Variants in EBF1 observed in about 807,000 individuals in gnomAD.
The protein encoded by EBF1 is EBF transcription factor 1, also known as transcription factor COE1.
EBF1 carries 10 observed loss-of-function variants against 68.4 expected under a neutral mutation model. The observed-to-expected ratio is 0.15, with a 90% CI of 0.09 to 0.25. The LOEUF (loss-of-function observed/expected upper bound fraction) is 0.25, where lower values mean the gene tolerates loss of function less well. Among genes scored for constraint, EBF1 ranks in the 10% least tolerant of loss-of-function variants. The pLI, the probability that EBF1 is intolerant of heterozygous loss-of-function variation, is 1.00. For synonymous variants in EBF1, 298 were observed against 299.8 expected, an observed-to-expected ratio of 0.99 and a Z score of 0.06; for missense variants, 509 against 794.4, an observed-to-expected ratio of 0.64 and a Z score of 4.32.
chr5:158,750,980 C>T (rs1169233421), intron 10 of EBF1, among the ~76,000 whole-genome samples: 1 of 151,862 alleles, frequency 6.6e-6, no homozygotes, highest in Non-Finnish European at 1.5e-5. Context: ...ATGATGCAGC[C>T]TATTAACATG....
At chr5:158,825,567 C>T (rs1176614249) in intron 7 of EBF1, among the ~76,000 whole-genome samples, 1 of 150,940 alleles carries the variant, frequency 6.6e-6, no homozygotes, top group African/African-American at 2.4e-5. Flanking sequence ...TTAAAATATT[C>T]AGTATGTTTC....
intron 15 of EBF1, among the ~76,000 whole-genome samples, chr5:158,703,370 A>G (rs1008251366): frequency 5.3e-5 from 8 of 152,204 alleles, no homozygotes; most frequent in Non-Finnish European, 8.8e-5. Flanking sequence ...TTTTCATATG[A>G]CATTAAGTGT....
At chr5:158,775,927 C>T (rs1392990579) in intron 10 of EBF1, among the ~76,000 whole-genome samples, 2 of 152,052 alleles carry the variant, frequency 1.3e-5, no homozygotes, top group African/African-American at 2.4e-5. Flanking sequence ...TCAAAACTTA[C>T]GCTGAACCAA....
intron 6 of EBF1, among the ~76,000 whole-genome samples, chr5:158,994,642 T>A (rs1236162363): frequency 6.6e-6 from 1 of 152,226 alleles, no homozygotes; most frequent in Non-Finnish European, 1.5e-5. Flanking sequence ...AGAAGTCTCA[T>A]AACGAGAGTG....
intron 6 of EBF1, among the ~76,000 whole-genome samples, chr5:159,060,569 T>C (rs1348998357): frequency 1.3e-5 from 2 of 152,218 alleles, no homozygotes; most frequent in African/African-American, 4.8e-5. Context: ...GTGTCTTTTA[T>C]CCTTTTTTTT....
At chr5:158,872,671 T>C (rs1797087379) in intron 6 of EBF1, among the ~76,000 whole-genome samples, 1 of 152,228 alleles carries the variant, frequency 6.6e-6, no homozygotes. Context: ...CACCACCCAG[T>C]GTACAAACAT....
At chr5:159,013,342 CAA>C (rs111814937) in intron 6 of EBF1, among the ~76,000 whole-genome samples, 1 of 152,136 alleles carries the variant, frequency 6.6e-6, no homozygotes, top group African/African-American at 2.4e-5. Context: ...AGGCATGAAT[CAA>C]ATAGTCTCCT....
chr5:159,034,223 T>C (rs1358954285), intron 6 of EBF1, among the ~76,000 whole-genome samples: 1 of 152,176 alleles, frequency 6.6e-6, no homozygotes, highest in African/African-American at 2.4e-5. Context: ...TTAATCTTGA[T>C]TGCAAAATCA....
chr5:159,010,296 C>T (rs1207338584), intron 6 of EBF1, among the ~76,000 whole-genome samples: 1 of 152,178 alleles, frequency 6.6e-6, no homozygotes, highest in East Asian at 1.9e-4. Flanking sequence ...ATAACCTTAC[C>T]TACAGAGGTT....
chr5:158,792,665 A>G (rs946766419), intron 9 of EBF1, among the ~76,000 whole-genome samples: 1 of 152,326 alleles, frequency 6.6e-6, no homozygotes, highest in African/African-American at 2.4e-5. Context: ...GATCTTAGAC[A>G]TGGCACAAAC....
At chr5:158,884,591 AG>A (rs548172150) in intron 6 of EBF1, among the ~76,000 whole-genome samples, 92 of 152,284 alleles carry the variant, frequency 6.0e-4, no homozygotes, top group African/African-American at 2.0e-3. Context: ...GAGTGCTTTT[AG>A]GTGGAACACA....
intron 7 of EBF1, among the ~76,000 whole-genome samples, chr5:158,836,269 A>T (rs1203364259): frequency 6.6e-6 from 1 of 152,282 alleles, no homozygotes; most frequent in Middle Eastern, 3.4e-3. Flanking sequence ...CTCAGTGCAT[A>T]AATAGTGGTT....
At chr5:158,870,087 C>T (rs1270010788) in intron 6 of EBF1, among the ~76,000 whole-genome samples, 1 of 152,128 alleles carries the variant, frequency 6.6e-6, no homozygotes, top group African/African-American at 2.4e-5. Flanking sequence ...TTCCAAAGCA[C>T]ATTGGCAAGG....
chr5:158,759,382 G>T lies in EBF1; in HGVS notation c.1036+18031C>A, dbSNP rs558228230. On this transcript the variant is annotated intron_variant, in intron 10 of 15. Transcript: ENST00000313708. Reference sequence around the variant, plus strand: ...ATATTACAGAAACAACAGTTTCAAGGATCTGCTACAATGACATGAATCAAT... The same window carrying T: ...ATATTACAGAAACAACAGTTTCAAGTATCTGCTACAATGACATGAATCAAT... 1.0e-3 allele frequency among the ~76,000 whole-genome samples: 156 copies of T among 152,198 alleles called. No homozygotes were observed. In the Middle Eastern group the frequency reaches 0.02, roughly 20 times the overall value.
At chr5:158,762,455 C>A (rs547558242) in intron 10 of EBF1, among the ~76,000 whole-genome samples, 62 of 152,310 alleles carry the variant, frequency 4.1e-4, no homozygotes, top group South Asian at 8.3e-4. Flanking sequence ...GAAACAAAAT[C>A]TTTTCTTTGA....
chr5:158,712,457 G>A (rs1581227632), intron 13 of EBF1, 124 bp from the exon 14 acceptor site: 1 of 1,066,586 alleles, frequency 9.4e-7, no homozygotes, highest in Non-Finnish European at 1.4e-6. Flanking sequence ...GAAGGGATTG[G>A]GTGATTCATG....
At chr5:158,980,637 T>C (rs1388480287) in intron 6 of EBF1, among the ~76,000 whole-genome samples, 2 of 152,234 alleles carry the variant, frequency 1.3e-5, no homozygotes, top group African/African-American at 2.4e-5. Flanking sequence ...TGTGTGAATA[T>C]AAATAACTAA....
chr5:158,792,561 T>C (rs573843514), intron 9 of EBF1, among the ~76,000 whole-genome samples: 8 of 152,344 alleles, frequency 5.3e-5, no homozygotes, highest in Admixed American at 1.3e-4. Flanking sequence ...TGTTATCCAC[T>C]TGTCCTAGCC....
intron 6 of EBF1, among the ~76,000 whole-genome samples, chr5:159,023,698 T>C (rs1246299716): frequency 6.6e-6 from 1 of 152,210 alleles, no homozygotes; most frequent in Non-Finnish European, 1.5e-5. Context: ...TAGCAGCTAG[T>C]TTTCCATACC....
Sources: gnomAD v4.1 joint callset for allele counts (sites outside exome capture counted in the v4.1 genomes callset) on GRCh38, gnomAD v4.1.1 for gene constraint, MANE v1.5 for transcripts, NCBI Gene and HGNC (gene_info 2026-07-23, HGNC 2026-07-21) for gene names.